The following FLYWCH1 variants were observed in gnomAD, a reference collection of about 807,000 sequenced individuals.
FLYWCH1 encodes the protein FLYWCH-type zinc finger-containing protein 1.
A neutral mutation model predicts 66.4 loss-of-function variants in FLYWCH1; 75 were observed. That is an observed-to-expected ratio of 1.13 (90% CI 0.94 to 1.37). FLYWCH1 has a LOEUF of 1.37. Ranked by LOEUF, FLYWCH1 falls within the 40% of genes most tolerant of loss-of-function variation. FLYWCH1 has a pLI of 0.00. For missense variants in FLYWCH1, 1,334 were observed against 1,001.8 expected (o/e 1.33, Z -4.48); for synonymous variants, 595 against 429.9 (o/e 1.38, Z -4.75).
intron 4 of FLYWCH1, among the ~76,000 whole-genome samples, 176 bp from the exon 5 acceptor site, chr16:2,932,954 G>T (rs1218443345): frequency 6.6e-6 from 1 of 152,028 alleles, no homozygotes; most frequent in Non-Finnish European, 1.5e-5. Context: ...GTCGCTTGGT[G>T]GTAGGGGTTC....
At chr16:2,947,875 A>G (rs2071548953) in intron 9 of FLYWCH1, among the ~76,000 whole-genome samples, 1 of 151,860 alleles carries the variant, frequency 6.6e-6, no homozygotes, top group South Asian at 2.1e-4. Flanking sequence ...CTCTACAAAA[A>G]AAAATTTTTT....
chr16:2,937,967 G>A (rs1269228827), intron 7 of FLYWCH1, among the ~76,000 whole-genome samples: 1 of 152,118 alleles, frequency 6.6e-6, no homozygotes, highest in Admixed American at 6.5e-5. Flanking sequence ...TGCTTGCCAG[G>A]CCACGTGCCC....
intron 2 of FLYWCH1, among the ~76,000 whole-genome samples, chr16:2,919,819 G>C (rs2070305929): frequency 2.0e-5 from 3 of 152,178 alleles, no homozygotes; most frequent in Admixed American, 2.0e-4. Context: ...CAAGGCAATA[G>C]GAACATTTCA....
Position 2,933,987 on chromosome 16 carries a change from G to A in FLYWCH1, c.1513+8G>A, listed in dbSNP as rs1406319023. ...CGCAGCGGGGGAGCCCAGGTACCTG[G>A]GGGTGGGCTGGGAGCTGGGCCCCAG... On this transcript the variant is annotated splice_region_variant and intron_variant, in intron 6 of 9. Coordinates refer to ENST00000253928, the MANE Select transcript of FLYWCH1 (RefSeq NM_001308068.2). 1.3e-6 allele frequency: 2 copies of A among 1,514,164 alleles called. No individual in the cohort carries two copies. Among genetic ancestry groups the A allele is most frequent in the Non-Finnish European group, 8.9e-7 (1 of 1,129,136 alleles). 93.8% of individuals were successfully genotyped at this position (1,514,164 alleles called of 1,614,324 possible).
chr16:2,948,145 G>A (rs1237379603), intron 9 of FLYWCH1, among the ~76,000 whole-genome samples: 1 of 152,186 alleles, frequency 6.6e-6, no homozygotes, highest in Non-Finnish European at 1.5e-5. Context: ...GAAACTTTTT[G>A]GAAGTGTTGG....
In FLYWCH1 at chr16:2,937,176, C is replaced by A. The variant is rs368303013; in HGVS notation, c.1569C>A (p.Ser523=). ...PLGGSFLVYE[S]FLYRREKAAG... is the part of the protein sequence containing the mutation. ...GGGGCAGCTTCCTGGTGTACGAGTC[C>A]TTCCTCTACCGGCGGGAGAAGGCGG... is the stretch of plus-strand genomic sequence containing the variant. The change falls in exon 7 of 10, where the codon TCC becomes TCA. Residue 523 remains serine (S), a synonymous_variant. Coordinates refer to ENST00000253928, the MANE Select transcript of FLYWCH1 (RefSeq NM_001308068.2). 15 of 1,609,584 alleles carry A rather than the reference C, an allele frequency of 9.3e-6. No homozygotes were observed. The highest frequency in any genetic ancestry group is 4.4e-5 in the South Asian group (4 of 90,624).
intron 6 of FLYWCH1, 129 bp downstream of exon 6, chr16:2,934,108 C>G (rs943600873): frequency 2.5e-6 from 3 of 1,192,400 alleles, no homozygotes; most frequent in Non-Finnish European, 2.3e-6. Context: ...CTAGAAGGAA[C>G]TATGGCCCTG....
In FLYWCH1 at chr16:2,933,325, A is replaced by G. The variant is rs2070844513; in HGVS notation, c.992A>G (p.His331Arg). The part of the protein sequence containing the change: ...QRVTVMRGHC[H>R]QPDMEGLEAR... ...GTGACTGTGATGCGTGGGCACTGCC[A>G]CCAGCCCGATATGGAGGGCCTGGAA... Residue 331 changes from histidine to arginine, a missense_variant, in exon 5 of 10, where the codon CAC becomes CGC. His to Arg is a conservative substitution (Grantham distance 29). Coordinates refer to ENST00000253928, the MANE Select transcript of FLYWCH1 (RefSeq NM_001308068.2). The G allele has an allele frequency of 3.7e-6, 6 of 1,609,798 alleles. No individual in the cohort carries two copies. In the East Asian group the frequency reaches 1.1e-4, roughly 30 times the overall value.
At chr16:2,940,550 C>G (rs2071218243) in intron 9 of FLYWCH1, among the ~76,000 whole-genome samples, 1 of 152,236 alleles carries the variant, frequency 6.6e-6, no homozygotes. Flanking sequence ...ATTCTCCTGT[C>G]TCAGCCCCCT....
chr16:2,948,537 T>C (rs2071578836), intron 9 of FLYWCH1, 151 bp from the exon 10 acceptor site: 2 of 774,838 alleles, frequency 2.6e-6, no homozygotes, highest in South Asian at 3.4e-5. Flanking sequence ...CACTCCAGCC[T>C]GGGTGACAGA....
Position 2,948,915 on chromosome 16 carries a change from G to A in FLYWCH1, c.*188G>A, listed in dbSNP as rs1883631126. The A allele has an allele frequency of 5.1e-6, 3 of 588,796 alleles. No individual in the cohort carries two copies. The highest frequency in any genetic ancestry group is 5.8e-5 in the Admixed American group (2 of 34,782). The allele number at this position is 588,796 out of a possible 1,614,324, so 36.5% of individuals were successfully genotyped here. A position where few individuals can be genotyped will look rare whatever the true frequency, so the allele number is the denominator to read the frequency against. On this transcript the variant is annotated 3_prime_UTR_variant, in exon 10 of 10. Coordinates refer to ENST00000253928, the MANE Select transcript of FLYWCH1 (RefSeq NM_001308068.2). ...CTTGGATGGTGTCCTCATGTCGGCGGAGAACAGTGCTCAGAGCTGGCGCTT... is the reference window on the plus strand; with the variant it reads ...CTTGGATGGTGTCCTCATGTCGGCGAAGAACAGTGCTCAGAGCTGGCGCTT...
intron 8 of FLYWCH1, 40 bp from the exon 9 acceptor site, chr16:2,939,992 G>T (rs772659813): frequency 6.4e-7 from 1 of 1,562,674 alleles, no homozygotes; most frequent in African/African-American, 1.4e-5. Flanking sequence ...TTCAACAAGA[G>T]AAGAATTATT....
In FLYWCH1 at chr16:2,913,826, G is replaced by A. The variant is rs562070299; in HGVS notation, c.-187-350G>A. Among the ~76,000 whole-genome samples the A allele has an allele frequency of 2.6e-5, 4 of 152,052 alleles. No individual in the cohort carries two copies. The East Asian group carries it at 7.7e-4, about 29-fold the overall frequency. ...ATGGTTCAGTTGCGGGTAGGTGGGA[G>A]GTGGGTAGACACTGGAGTCATCCAG... On this transcript the variant is annotated intron_variant, in intron 1 of 9. Coordinates refer to ENST00000253928, the MANE Select transcript of FLYWCH1 (RefSeq NM_001308068.2).
At chr16:2,934,337 T>C (rs1325855603) in intron 6 of FLYWCH1, among the ~76,000 whole-genome samples, 1 of 152,176 alleles carries the variant, frequency 6.6e-6, no homozygotes, top group African/African-American at 2.4e-5. Context: ...AAGGCTGTCT[T>C]AACGTCTGAG....
In FLYWCH1 at chr16:2,930,612, C is replaced by A. The variant is rs781555162; in HGVS notation, c.528C>A (p.Pro176=). Residue 176 remains proline (P), a synonymous_variant, in exon 4 of 10, where the codon CCC becomes CCA. Coordinates refer to ENST00000253928, the MANE Select transcript of FLYWCH1 (RefSeq NM_001308068.2). The stretch of plus-strand genomic sequence containing the variant: ...TGATGCGGGGCCACTGCCACGCGCC[C>A]GATGAGCAAGGCCTGGAGGCCCGGC... ...ATVMRGHCHA[P]DEQGLEARRQ... is the part of the protein sequence containing the mutation. The A allele has an allele frequency of 6.4e-7, 1 of 1,551,658 alleles. No individual in the cohort carries two copies. Among genetic ancestry groups the A allele is most frequent in the East Asian group, 2.4e-5 (1 of 41,082 alleles).
At chr16:2,931,929 C>T (rs1004979192) in intron 4 of FLYWCH1, among the ~76,000 whole-genome samples, 3 of 151,930 alleles carry the variant, frequency 2.0e-5, no homozygotes, top group Admixed American at 1.3e-4. Context: ...CTGGCTAACA[C>T]AGTGAAACCC....
chr16:2,920,945 G>A (rs991756126), intron 2 of FLYWCH1, among the ~76,000 whole-genome samples: 2 of 147,182 alleles, frequency 1.4e-5, no homozygotes, highest in Non-Finnish European at 3.0e-5. Flanking sequence ...GGGTTCAAGC[G>A]ATTCTTCTGC....
chr16:2,931,061 T>A (rs546083177), intron 4 of FLYWCH1, among the ~76,000 whole-genome samples, 181 bp downstream of exon 4: 1 of 152,090 alleles, frequency 6.6e-6, no homozygotes, highest in African/African-American at 2.4e-5. Flanking sequence ...TCCCAGCACT[T>A]TGGGAGGCCA....
intron 8 of FLYWCH1, 80 bp from the exon 9 acceptor site, chr16:2,939,952 A>T: frequency 6.6e-7 from 1 of 1,513,202 alleles, no homozygotes; most frequent in Non-Finnish European, 8.9e-7. Flanking sequence ...GGGCGTCGTT[A>T]ACAAGGTGTG....
Sources: allele counts gnomAD v4.1 joint callset (sites outside exome capture counted in the v4.1 genomes callset), GRCh38; gene constraint gnomAD v4.1.1; transcripts MANE v1.5; gene names NCBI Gene and HGNC (gene_info 2026-07-23, HGNC 2026-07-21).